The following PAFAH1B1 variants were observed in gnomAD, a reference collection of about 807,000 sequenced individuals.
The protein encoded by PAFAH1B1 is platelet-activating factor acetylhydrolase IB subunit beta.
A neutral mutation model predicts 57.5 loss-of-function variants in PAFAH1B1; 2 were observed. The ratio of observed to expected loss-of-function variants is 0.03; its 90% CI spans 0.01 to 0.11. The LOEUF is 0.11. Among genes scored for constraint, PAFAH1B1 ranks in the 10% least tolerant of loss-of-function variants. PAFAH1B1 has a pLI of 1.00. For missense variants in PAFAH1B1, 257 were observed against 512.0 expected (o/e 0.50, Z 4.81); for synonymous variants, 152 against 169.6 (o/e 0.90, Z 0.81).
In PAFAH1B1 at chr17:2,682,032, C is replaced by T. The variant is rs575334141; in HGVS notation, c.*230C>T. On this transcript the variant is annotated 3_prime_UTR_variant, in exon 11 of 11. Coordinates refer to ENST00000397195, the MANE Select transcript of PAFAH1B1 (RefSeq NM_000430.4). ...TAGAAGTACCATAGGGTTTAAAAAC[C>T]TGGGCTGGCATTGGTCACACCAGGC... 2.7e-5 allele frequency: 13 copies of T among 484,268 alleles called. No individual in the cohort carries two copies. The East Asian group carries it at 4.2e-4, about 16-fold the overall frequency. 30.0% of individuals were successfully genotyped at this position (484,268 alleles called of 1,614,324 possible). A position where few individuals can be genotyped will look rare whatever the true frequency, so the allele number is the denominator to read the frequency against.
intron 1 of PAFAH1B1, among the ~76,000 whole-genome samples, chr17:2,618,506 A>G (rs1321690474): frequency 1.3e-5 from 2 of 152,144 alleles, no homozygotes; most frequent in Admixed American, 1.3e-4. Flanking sequence ...CCTTCTATGT[A>G]ATCTCATGGA....
At chr17:2,662,313 C>G (rs528969998) in intron 2 of PAFAH1B1, among the ~76,000 whole-genome samples, 1 of 151,854 alleles carries the variant, frequency 6.6e-6, no homozygotes, top group East Asian at 1.9e-4. Flanking sequence ...AGTCCTTCAT[C>G]TCAGTTTTGA....
intron 2 of PAFAH1B1, chr17:2,640,297 C>T (rs1302412192): frequency 6.6e-6 from 1 of 151,688 alleles, no homozygotes; most frequent in East Asian, 1.9e-4. Context: ...TACATCATCC[C>T]ATCCAGGATC....
Position 2,682,192 on chromosome 17 carries a change from G to T in PAFAH1B1, c.*390G>T. The T allele has an allele frequency of 6.0e-6, 1 of 167,594 alleles. No individual in the cohort carries two copies. Among genetic ancestry groups the T allele is most frequent in the Non-Finnish European group, 1.3e-5 (1 of 77,472 alleles). 10.4% of individuals were successfully genotyped at this position (167,594 alleles called of 1,614,324 possible). ...GTGCCTGACTTGATGGCCTCATTTG[G>T]GGAAAAGTGGTGGTTATTAGGGCTT... On this transcript the variant is annotated 3_prime_UTR_variant, in exon 11 of 11. Transcript: ENST00000397195.
At chr17:2,601,847 C>T (rs1414986125) in intron 1 of PAFAH1B1, among the ~76,000 whole-genome samples, 3 of 152,206 alleles carry the variant, frequency 2.0e-5, no homozygotes, top group Non-Finnish European at 4.4e-5. Flanking sequence ...TCACCTTTAC[C>T]TCCCAATGTG....
rs997798025 is a variant in PAFAH1B1 at position 2,682,157 on chromosome 17, C to T, written c.*355C>T. On this transcript the variant is annotated 3_prime_UTR_variant, in exon 11 of 11. Coordinates refer to ENST00000397195, the MANE Select transcript of PAFAH1B1 (RefSeq NM_000430.4). Reference sequence around the variant, plus strand: ...TTATTAATTCCTGTTTTTCTTTCTGCTATCTGTTGGTGCCTGACTTGATGG... The same window carrying T: ...TTATTAATTCCTGTTTTTCTTTCTGTTATCTGTTGGTGCCTGACTTGATGG... 39 of 188,016 alleles carry T rather than the reference C, an allele frequency of 2.1e-4. No homozygotes were observed. The highest frequency in any genetic ancestry group is 8.9e-4 in the African/African-American group (38 of 42,676). 11.6% of individuals were successfully genotyped at this position (188,016 alleles called of 1,614,324 possible).
At chr17:2,639,794 C>T (rs1454789748) in intron 2 of PAFAH1B1, 1 of 152,054 alleles carries the variant, frequency 6.6e-6, no homozygotes, top group African/African-American at 2.4e-5. Context: ...AAAAGGGTTT[C>T]ACCATCTTTG....
chr17:2,657,354 C>T (rs1199028413), intron 2 of PAFAH1B1, among the ~76,000 whole-genome samples: 1 of 152,146 alleles, frequency 6.6e-6, no homozygotes, highest in African/African-American at 2.4e-5. Context: ...AAGTGATTCT[C>T]CTGCCTCAGC....
chr17:2,631,304 G>A (rs1032082299), intron 1 of PAFAH1B1, among the ~76,000 whole-genome samples: 1 of 152,024 alleles, frequency 6.6e-6, no homozygotes, highest in African/African-American at 2.4e-5. Flanking sequence ...GCCTCCCAGC[G>A]GTGAAAGAAA....
intron 2 of PAFAH1B1, among the ~76,000 whole-genome samples, chr17:2,656,276 A>T (rs1434805770): frequency 6.6e-6 from 1 of 151,750 alleles, no homozygotes; most frequent in Non-Finnish European, 1.5e-5. Flanking sequence ...ACATATTGAG[A>T]CCCTATCTCT....
At chr17:2,659,361 AC>A in intron 2 of PAFAH1B1, 1 of 235,498 alleles carries the variant, frequency 4.2e-6, no homozygotes, top group South Asian at 3.6e-5. Context: ...ATATGGTGAA[AC>A]CCCGTCTCTG....
intron 1 of PAFAH1B1, among the ~76,000 whole-genome samples, chr17:2,625,520 C>T (rs1324480178): frequency 6.6e-6 from 1 of 152,110 alleles, no homozygotes; most frequent in Non-Finnish European, 1.5e-5. Context: ...AACTTCTATA[C>T]CAGGTAGTAT....
chr17:2,643,500 T>C (rs1018709261), intron 2 of PAFAH1B1, among the ~76,000 whole-genome samples: 2 of 151,736 alleles, frequency 1.3e-5, no homozygotes, highest in African/African-American at 4.8e-5. Flanking sequence ...AGGTGATGCT[T>C]GCACCTAGGC....
intron 1 of PAFAH1B1, among the ~76,000 whole-genome samples, chr17:2,604,505 T>C (rs1567523800): frequency 6.6e-6 from 1 of 152,136 alleles, no homozygotes; most frequent in Non-Finnish European, 1.5e-5. Context: ...ATACTTGAAC[T>C]GAATCTTGAA....
chr17:2,620,750 T>C (rs938136325), intron 1 of PAFAH1B1, among the ~76,000 whole-genome samples: 1 of 152,030 alleles, frequency 6.6e-6, no homozygotes, highest in Non-Finnish European at 1.5e-5. Flanking sequence ...TAATCCTAGC[T>C]ACTCGGGAGG....
intron 1 of PAFAH1B1, among the ~76,000 whole-genome samples, chr17:2,616,364 G>A (rs1274023022): frequency 6.6e-6 from 1 of 152,138 alleles, no homozygotes; most frequent in African/African-American, 2.4e-5. Context: ...TTGACTGGTT[G>A]ATTGATGTTT....
chr17:2,601,532 C>T (rs923457597), intron 1 of PAFAH1B1, among the ~76,000 whole-genome samples: 7 of 152,128 alleles, frequency 4.6e-5, no homozygotes, highest in African/African-American at 1.7e-4. Context: ...ACCTCTGCCT[C>T]CTGGATTCAA....
chr17:2,622,303 A>T (rs1411871177), intron 1 of PAFAH1B1, among the ~76,000 whole-genome samples: 1 of 152,200 alleles, frequency 6.6e-6, no homozygotes, highest in Non-Finnish European at 1.5e-5. Context: ...CTTATTTGAG[A>T]CAAGGCAAGT....
intron 1 of PAFAH1B1, among the ~76,000 whole-genome samples, chr17:2,598,524 AG>A (rs1325488009): frequency 6.6e-6 from 1 of 152,024 alleles, no homozygotes; most frequent in Non-Finnish European, 1.5e-5. Context: ...CTTTGGAAAG[AG>A]GGAAATAGTT....
Sources: gnomAD v4.1 joint callset for allele counts (sites outside exome capture counted in the v4.1 genomes callset) on GRCh38, gnomAD v4.1.1 for gene constraint, MANE v1.5 for transcripts, NCBI Gene and HGNC (gene_info 2026-07-23, HGNC 2026-07-21) for gene names.